PARD3: variants seen among roughly 807,000 people sequenced by gnomAD.
PARD3 encodes the protein par-3 family cell polarity regulator.
PARD3 carries 75 observed loss-of-function variants against 155.4 expected under a neutral mutation model. The ratio of observed to expected loss-of-function variants is 0.48; its 90% confidence interval spans 0.40 to 0.58. The LOEUF (loss-of-function observed/expected upper bound fraction) is 0.58. Ranked by LOEUF, PARD3 falls within the 20% of genes least tolerant of loss-of-function variation. PARD3 has a pLI of 0.00. For missense variants in PARD3, 1,642 were observed against 1,721.7 expected (o/e 0.95, Z 0.82); for synonymous variants, 576 against 610.5 (o/e 0.94, Z 0.83).
At chr10:34,221,500 G>A (rs2133476417) in intron 22 of PARD3, among the ~76,000 whole-genome samples, 1 of 150,202 alleles carries the variant, frequency 6.7e-6, no homozygotes, top group South Asian at 2.1e-4. Flanking sequence ...GCATATGCAT[G>A]ACCTCACGTA....
intron 2 of PARD3, among the ~76,000 whole-genome samples, chr10:34,545,554 G>C (rs1624134): frequency 0.48 from 73,183 of 151,956 alleles, 18,403 homozygotes; most frequent in African/African-American, 0.64. Context: ...TTAAACAAAC[G>C]ACTTTATATC....
At chr10:34,340,370 G>C (rs1836677722) in intron 16 of PARD3, among the ~76,000 whole-genome samples, 1 of 152,114 alleles carries the variant, frequency 6.6e-6, no homozygotes, top group African/African-American at 2.4e-5. Flanking sequence ...AAAGAGATAT[G>C]AGACACAGCA....
Position 34,308,112 on chromosome 10 carries a change from C to CAGGGAAGAGTAAAGTTACTGA in PARD3, c.3065+8974_3065+8994dup, listed in dbSNP as rs375186797. Among the ~76,000 whole-genome samples the CAGGGAAGAGTAAAGTTACTGA allele has an allele frequency of 8.7e-3, 1,322 of 152,178 alleles. 14 individuals are homozygous for CAGGGAAGAGTAAAGTTACTGA. Among genetic ancestry groups the CAGGGAAGAGTAAAGTTACTGA allele is most frequent in the African/African-American group, 0.03 (1,231 of 41,488 alleles). ...AAGGCTCTAGTGGACCCGGTAGGTTCAGGGAAGAGTAAAGTTACTGAAGGA... is the reference window on the plus strand; with the variant it reads ...AAGGCTCTAGTGGACCCGGTAGGTTCAGGGAAGAGTAAAGTTACTGAAGGGAAGAGTAAAGTTACTGAAGGA... On this transcript the variant is annotated intron_variant, in intron 20 of 24. Transcript: ENST00000374788.
At chr10:34,319,121 A>C (rs1289680556) in intron 19 of PARD3, among the ~76,000 whole-genome samples, 8 of 104,678 alleles carry the variant, frequency 7.6e-5, no homozygotes, top group East Asian at 2.7e-4. Context: ...ACGGAGTTTC[A>C]CTCTGTCACC....
chr10:34,185,549 G>A (rs1484086440), intron 22 of PARD3, among the ~76,000 whole-genome samples: 1 of 151,714 alleles, frequency 6.6e-6, no homozygotes, highest in African/African-American at 2.4e-5. Context: ...TTCTGTTCAT[G>A]GGCTCATATC....
chr10:34,382,428 C>CTCAG, intron 9 of PARD3, 112 bp downstream of exon 9: 1 of 1,006,884 alleles, frequency 9.9e-7, no homozygotes, highest in South Asian at 1.6e-5. Flanking sequence ...TTAGATAAGA[C>CTCAG]TCAGGGTGCT....
At chr10:34,522,065 T>G (rs1471324062) in intron 2 of PARD3, among the ~76,000 whole-genome samples, 2 of 152,276 alleles carry the variant, frequency 1.3e-5, no homozygotes, top group Non-Finnish European at 2.9e-5. Flanking sequence ...GAATGTTACC[T>G]TCTATGAAAA....
chr10:34,438,691 A>G (rs1430197702), intron 5 of PARD3, among the ~76,000 whole-genome samples: 1 of 152,226 alleles, frequency 6.6e-6, no homozygotes, highest in Non-Finnish European at 1.5e-5. Context: ...CCATTTTAGG[A>G]CAGCAAAACA....
intron 4 of PARD3, among the ~76,000 whole-genome samples, chr10:34,453,411 TGG>T (rs1268828533): frequency 6.6e-6 from 1 of 152,224 alleles, no homozygotes; most frequent in East Asian, 1.9e-4. Context: ...CAGGGAAGCC[TGG>T]GCAGATCATC....
intron 22 of PARD3, among the ~76,000 whole-genome samples, chr10:34,208,233 A>G (rs1256851733): frequency 1.3e-5 from 2 of 152,220 alleles, no homozygotes; most frequent in Admixed American, 1.3e-4. Flanking sequence ...ACTACTCTGC[A>G]AAGTGTAAAT....
chr10:34,762,246 C>A (rs1444353088), intron 1 of PARD3, among the ~76,000 whole-genome samples: 1 of 143,760 alleles, frequency 7.0e-6, no homozygotes, highest in Non-Finnish European at 1.5e-5. Flanking sequence ...AAGAGAGAGG[C>A]AGGGAGGGAG....
intron 1 of PARD3, among the ~76,000 whole-genome samples, chr10:34,705,230 GGAGGC>G (rs1370590785): frequency 1.3e-5 from 2 of 152,156 alleles, no homozygotes; most frequent in Non-Finnish European, 2.9e-5. Flanking sequence ...TTTGAGAGGT[GGAGGC>G]AGGAGGATTG....
At chr10:34,449,693 A>G (rs992967528) in intron 5 of PARD3, among the ~76,000 whole-genome samples, 3 of 152,192 alleles carry the variant, frequency 2.0e-5, no homozygotes, top group African/African-American at 7.2e-5. Context: ...ACAACTTTGT[A>G]AATAGTCATT....
At chr10:34,538,458 G>A (rs2083370369) in intron 2 of PARD3, among the ~76,000 whole-genome samples, 1 of 152,246 alleles carries the variant, frequency 6.6e-6, no homozygotes, top group Non-Finnish European at 1.5e-5. Context: ...ATTGCAACCT[G>A]TCTGAATCAT....
intron 1 of PARD3, among the ~76,000 whole-genome samples, chr10:34,748,981 C>G (rs968344241): frequency 1.3e-5 from 2 of 152,178 alleles, no homozygotes; most frequent in African/African-American, 4.8e-5. Context: ...ATCTTTGTAG[C>G]ACCTGTCAGA....
chr10:34,453,804 G>C (rs1029198478), intron 4 of PARD3, among the ~76,000 whole-genome samples: 2 of 152,180 alleles, frequency 1.3e-5, no homozygotes, highest in African/African-American at 4.8e-5. Flanking sequence ...ATGACATGCA[G>C]TACCTGCAGC....
intron 2 of PARD3, among the ~76,000 whole-genome samples, chr10:34,529,892 G>A (rs1408436705): frequency 1.3e-5 from 2 of 152,014 alleles, no homozygotes; most frequent in Admixed American, 1.3e-4. Flanking sequence ...GCACCACCAA[G>A]CCCGGCTAAT....
At chr10:34,658,678 AG>A (rs1315813387) in intron 2 of PARD3, among the ~76,000 whole-genome samples, 2 of 152,218 alleles carry the variant, frequency 1.3e-5, no homozygotes, top group African/African-American at 2.4e-5. Context: ...CAATGCAGAC[AG>A]GAACAGGAAG....
intron 2 of PARD3, among the ~76,000 whole-genome samples, chr10:34,552,163 G>A (rs918450652): frequency 1.4e-4 from 22 of 152,300 alleles, no homozygotes; most frequent in African/African-American, 4.8e-4. Flanking sequence ...CCAAGCTGGA[G>A]TACAGTGGTA....
Sources: gnomAD v4.1 joint callset for allele counts (sites outside exome capture counted in the v4.1 genomes callset) on GRCh38, gnomAD v4.1.1 for gene constraint, MANE v1.5 for transcripts, NCBI Gene and HGNC (gene_info 2026-07-23, HGNC 2026-07-21) for gene names.